The following PARD3B variants were observed in gnomAD, a reference collection of about 807,000 sequenced individuals.
PARD3B encodes par-3 family cell polarity regulator beta.
PARD3B carries 103 observed loss-of-function variants against 130.2 expected under a neutral mutation model. The ratio of observed to expected loss-of-function variants is 0.79; its 90% CI spans 0.67 to 0.93. PARD3B has a LOEUF of 0.93. Ranked by LOEUF, PARD3B falls within the 40% of genes least tolerant of loss-of-function variation. The probability of loss-of-function intolerance (pLI) is 0.00; values close to 1 mark genes in which losing one functional copy is unlikely to be tolerated. For synonymous variants in PARD3B, 583 were observed against 553.2 expected (o/e 1.05, Z -0.76); for missense variants, 1,609 against 1,499.2 (o/e 1.07, Z -1.21).
intron 1 of PARD3B, among the ~76,000 whole-genome samples, chr2:204,656,541 C>T: frequency 6.6e-6 from 1 of 152,078 alleles, no homozygotes. Context: ...AATTAAGAAA[C>T]ACCTAGAAAT....
chr2:204,810,043 A>C (rs2125520996), intron 2 of PARD3B, among the ~76,000 whole-genome samples: 1 of 151,814 alleles, frequency 6.6e-6, no homozygotes, highest in South Asian at 2.1e-4. Context: ...GTGGCTTGGC[A>C]GTTGTGAATG....
intron 2 of PARD3B, among the ~76,000 whole-genome samples, chr2:204,918,475 A>G (rs2047532851): frequency 6.6e-6 from 1 of 151,834 alleles, no homozygotes; most frequent in Admixed American, 6.6e-5. Context: ...CTAAAAATAC[A>G]AAAAATTAAC....
chr2:205,080,985 C>T (rs1279650006), intron 4 of PARD3B, among the ~76,000 whole-genome samples: 4 of 152,060 alleles, frequency 2.6e-5, no homozygotes, highest in Non-Finnish European at 5.9e-5. Flanking sequence ...TCTCCCTCCT[C>T]TCTCTCATCA....
intron 22 of PARD3B, among the ~76,000 whole-genome samples, chr2:205,582,060 C>T: frequency 6.6e-6 from 1 of 152,188 alleles, no homozygotes; most frequent in Non-Finnish European, 1.5e-5. Context: ...TCCTCAATCT[C>T]AAATGGGCAG....
chr2:205,592,686 G>A lies in PARD3B; in HGVS notation c.3261-22770G>A, dbSNP rs1341021855. ...CATATAAATCTAAATCAATCATAACGTATATTTCTGAGATGATTACTCAGT... is the reference window on the plus strand; with the variant it reads ...CATATAAATCTAAATCAATCATAACATATATTTCTGAGATGATTACTCAGT... On this transcript the variant is annotated intron_variant, in intron 22 of 22. Coordinates refer to ENST00000406610, the MANE Select transcript of PARD3B (RefSeq NM_001302769.2). This position sits in a 1 kb window ranked among gnomAD's most constrained non-coding sequence, Gnocchi z 4.5. Among the ~76,000 whole-genome samples the A allele has an allele frequency of 5.3e-5, 8 of 152,286 alleles. No individual in the cohort carries two copies. Among genetic ancestry groups the A allele is most frequent in the South Asian group, 2.1e-4 (1 of 4,822 alleles).
rs1434684149 is a variant in PARD3B, at chr2:204,799,565, C to T, written c.222+113283C>T. 1.3e-5 allele frequency among the ~76,000 whole-genome samples: 2 copies of T among 152,070 alleles called. No homozygotes were observed. The highest frequency in any genetic ancestry group is 2.9e-5 in the Non-Finnish European group (2 of 68,016). ...GGTCACTGTGGGTCTTTGGAGAGAC[C>T]CAGTGCTATGCTGGCTTCAGGTGTG... is the stretch of plus-strand genomic sequence containing the variant. On this transcript the variant is annotated intron_variant, in intron 2 of 22. Transcript: ENST00000406610. The surrounding 1 kb of genome is among the most constrained non-coding windows in gnomAD (Gnocchi z 4.1).
intron 19 of PARD3B, among the ~76,000 whole-genome samples, chr2:205,412,474 G>T (rs2106057325): frequency 6.6e-6 from 1 of 152,310 alleles, no homozygotes; most frequent in Admixed American, 6.5e-5. Flanking sequence ...ATTTCTTGAA[G>T]CAGAGATTAT....
chr2:205,036,199 G>C (rs1559374827), intron 3 of PARD3B, among the ~76,000 whole-genome samples: 1 of 144,590 alleles, frequency 6.9e-6, no homozygotes, highest in Non-Finnish European at 1.5e-5. Context: ...TAAGTATATA[G>C]TGGACTATAT....
chr2:204,843,182 A>G (rs1398632812), intron 2 of PARD3B, among the ~76,000 whole-genome samples: 1 of 152,082 alleles, frequency 6.6e-6, no homozygotes, highest in East Asian at 1.9e-4. Flanking sequence ...GGAGAGAAAA[A>G]AAAAATTAGA....
At chr2:205,141,024 C>T (rs79195267) in intron 10 of PARD3B, among the ~76,000 whole-genome samples, 3 of 152,204 alleles carry the variant, frequency 2.0e-5, no homozygotes, top group African/African-American at 7.2e-5. Context: ...CTACATCCAC[C>T]GGGATAACGG....
rs1651607533 is a variant in PARD3B, at chr2:205,013,236, T to C, written c.395-34345T>C. 2.0e-5 allele frequency among the ~76,000 whole-genome samples: 3 copies of C among 152,332 alleles called. No individual in the cohort carries two copies. The East Asian group carries it at 5.8e-4, about 29-fold the overall frequency. On this transcript the variant is annotated intron_variant, in intron 3 of 22. Coordinates refer to ENST00000406610, the MANE Select transcript of PARD3B (RefSeq NM_001302769.2). ...CCTGGGCTGTTTTTATTTGCTCTAA[T>C]TCAAATGCCAATTCTAATTTGCTTT... is the stretch of plus-strand genomic sequence containing the variant.
At chr2:205,069,778 A>G (rs1341342888) in intron 4 of PARD3B, among the ~76,000 whole-genome samples, 3 of 152,154 alleles carry the variant, frequency 2.0e-5, no homozygotes, top group Non-Finnish European at 4.4e-5. Context: ...TGGCACCAGC[A>G]GCAGGCATAG....
At chr2:205,029,817 T>A (rs926299502) in intron 3 of PARD3B, among the ~76,000 whole-genome samples, 2 of 152,148 alleles carry the variant, frequency 1.3e-5, no homozygotes, top group Non-Finnish European at 2.9e-5. Flanking sequence ...ACAGAAGGGC[T>A]GTGGAAGTGT....
At chr2:204,756,940 G>T (rs766907683) in intron 2 of PARD3B, among the ~76,000 whole-genome samples, 1 of 151,894 alleles carries the variant, frequency 6.6e-6, no homozygotes, top group African/African-American at 2.4e-5. Flanking sequence ...TTGGAATCTC[G>T]TGTTTATTGT....
chr2:205,112,817 AT>A (rs1452419436), intron 5 of PARD3B, among the ~76,000 whole-genome samples: 1 of 151,968 alleles, frequency 6.6e-6, no homozygotes, highest in Non-Finnish European at 1.5e-5. Flanking sequence ...CAGGCTTTCT[AT>A]TTCTTTCTAT....
intron 2 of PARD3B, among the ~76,000 whole-genome samples, chr2:204,926,561 C>T (rs1280390373): frequency 1.3e-5 from 2 of 152,070 alleles, no homozygotes; most frequent in Non-Finnish European, 2.9e-5. Flanking sequence ...AGTACTATGC[C>T]ATGCCATGCA....
intron 4 of PARD3B, among the ~76,000 whole-genome samples, chr2:205,095,789 G>A (rs1023234211): frequency 4.6e-5 from 7 of 151,936 alleles, no homozygotes; most frequent in African/African-American, 1.7e-4. Context: ...AACTCCAGCA[G>A]GTAAAGGGTA....
chr2:205,263,819 AG>A lies in PARD3B; in HGVS notation c.2185+17999del. 6.6e-6 allele frequency among the ~76,000 whole-genome samples: 1 copy of A among 151,394 alleles called. No homozygotes were observed. Among genetic ancestry groups the A allele is most frequent in the East Asian group, 1.9e-4 (1 of 5,148 alleles). ...TATTTGAAAAACACATATCCAACAA[AG>A]GATCTGTATACAGAATATATAAAAG... On this transcript the variant is annotated intron_variant, in intron 16 of 22. Coordinates refer to ENST00000406610, the MANE Select transcript of PARD3B (RefSeq NM_001302769.2). This position sits in a 1 kb window ranked among gnomAD's most constrained non-coding sequence, Gnocchi z 4.0.
intron 10 of PARD3B, among the ~76,000 whole-genome samples, chr2:205,152,487 G>C (rs552760582): frequency 6.6e-6 from 1 of 151,324 alleles, no homozygotes; most frequent in African/African-American, 2.4e-5. Flanking sequence ...TAAACTTCTC[G>C]CTTCATTTCA....
Sources: allele counts gnomAD v4.1 joint callset (sites outside exome capture counted in the v4.1 genomes callset), GRCh38; gene constraint gnomAD v4.1.1; non-coding constraint Gnocchi (gnomAD v3.1); transcripts MANE v1.5; gene names NCBI Gene and HGNC (gene_info 2026-07-23, HGNC 2026-07-21).